The following ATXN1 variants were observed in gnomAD, a reference collection of about 807,000 sequenced individuals.
ATXN1 encodes the protein ataxin-1.
In ATXN1, 8 loss-of-function variants were observed where a neutral mutation model predicts 56.4. That is an observed-to-expected ratio of 0.14 (90% CI 0.08 to 0.26). The LOEUF (loss-of-function observed/expected upper bound fraction) is 0.26, where lower values mean the gene tolerates loss of function less well. Among genes scored for constraint, ATXN1 ranks in the 10% least tolerant of loss-of-function variants. The pLI, the probability that ATXN1 is intolerant of heterozygous loss-of-function variation, is 1.00. For missense variants in ATXN1, 987 were observed against 1,106.5 expected (o/e 0.89, Z 1.53); for synonymous variants, 514 against 494.6 (o/e 1.04, Z -0.52).
intron 2 of ATXN1, chr6:16,667,383 G>A (rs1000569220): frequency 2.0e-5 from 3 of 152,132 alleles, no homozygotes; most frequent in Non-Finnish European, 4.4e-5. Context: ...TTGATGAATT[G>A]GCTCAGAGCC....
In ATXN1 at chr6:16,327,622, G is replaced by T; in HGVS notation, c.689C>A (p.Ala230Asp). The T allele has an allele frequency of 6.3e-7, 1 of 1,586,074 alleles. No individual in the cohort carries two copies. Among genetic ancestry groups the T allele is most frequent in the East Asian group, 2.3e-5 (1 of 43,594 alleles). The change falls in exon 7 of 8, where the codon GCT becomes GAT. Residue 230 changes from alanine to aspartate, a missense_variant. By Grantham distance (126) the Ala-to-Asp change is moderately radical (BLOSUM62 -2). Around this residue, in one of 3 missense-constraint regions of ATXN1, gnomAD observed 723 missense variants for 791.7 expected, o/e 0.91. Transcript: ENST00000436367. Reference protein sequence around the residue: ...QQQQQQHLSRAPGLITPGSPP... With the variant: ...QQQQQQHLSRDPGLITPGSPP... ...GGACCCCGGGGTGATGAGCCCCGGA[G>T]CCCTGCTGAGGTGCTGCTGCTGCTG...
chr6:16,358,096 G>A (rs1183567622), intron 6 of ATXN1, among the ~76,000 whole-genome samples: 2 of 152,102 alleles, frequency 1.3e-5, no homozygotes, highest in African/African-American at 4.8e-5. Context: ...CATAATTTTG[G>A]TTAGAGAGAG....
At chr6:16,645,381 A>G (rs1194772527) in intron 3 of ATXN1, among the ~76,000 whole-genome samples, 1 of 152,246 alleles carries the variant, frequency 6.6e-6, no homozygotes. Flanking sequence ...ATTGAAAATA[A>G]TCTATTTCCA....
chr6:16,661,554 T>G (rs1009305644), intron 2 of ATXN1, among the ~76,000 whole-genome samples: 2 of 152,242 alleles, frequency 1.3e-5, no homozygotes, highest in Non-Finnish European at 2.9e-5. Context: ...ATCCCACCTC[T>G]TGGAATTCAT....
chr6:16,456,902 C>T (rs1211162957), intron 6 of ATXN1, among the ~76,000 whole-genome samples: 3 of 152,152 alleles, frequency 2.0e-5, no homozygotes, highest in African/African-American at 7.2e-5. Flanking sequence ...AGGATCCCTC[C>T]TCAGACTAGC....
chr6:16,451,116 C>T (rs1176981846), intron 6 of ATXN1, among the ~76,000 whole-genome samples: 2 of 152,198 alleles, frequency 1.3e-5, no homozygotes, highest in Non-Finnish European at 1.5e-5. Flanking sequence ...GACATCTTCT[C>T]TTCCCATTTA....
chr6:16,441,450 A>C (rs1352103601), intron 6 of ATXN1, among the ~76,000 whole-genome samples: 1 of 152,216 alleles, frequency 6.6e-6, no homozygotes, highest in Non-Finnish European at 1.5e-5. Context: ...AAAATGAGTA[A>C]CAAAATAGGA....
At chr6:16,426,365 C>T (rs1055765618) in intron 6 of ATXN1, among the ~76,000 whole-genome samples, 6 of 151,972 alleles carry the variant, frequency 3.9e-5, no homozygotes, top group African/African-American at 1.5e-4. Flanking sequence ...AATTATGGAC[C>T]TTATGGAGGA....
chr6:16,455,479 T>C (rs555937825), intron 6 of ATXN1, among the ~76,000 whole-genome samples: 59 of 152,234 alleles, frequency 3.9e-4, no homozygotes, highest in African/African-American at 1.4e-3. Flanking sequence ...GGAATGCAAA[T>C]AGTAAGCTAC....
intron 2 of ATXN1, among the ~76,000 whole-genome samples, chr6:16,694,252 CTTTT>C (rs537104749): frequency 1.6e-5 from 2 of 122,744 alleles, no homozygotes; most frequent in Non-Finnish European, 3.3e-5. Context: ...TTTTTTTTTT[CTTTT>C]TTTTTTTTTT....
intron 5 of ATXN1, among the ~76,000 whole-genome samples, chr6:16,503,025 T>G (rs1760912105): frequency 6.6e-6 from 1 of 152,230 alleles, no homozygotes. Context: ...CCAACTATAA[T>G]AATTTTTTAT....
chr6:16,341,990 C>T (rs764992392), intron 6 of ATXN1, among the ~76,000 whole-genome samples: 2 of 151,520 alleles, frequency 1.3e-5, no homozygotes, highest in African/African-American at 4.9e-5. Flanking sequence ...ATTCTCCTGC[C>T]TCAGCCTCCC....
intron 6 of ATXN1, among the ~76,000 whole-genome samples, chr6:16,457,913 C>T (rs1759911968): frequency 1.3e-5 from 2 of 152,236 alleles, no homozygotes; most frequent in South Asian, 4.1e-4. Flanking sequence ...GAATTTGGCC[C>T]AACATGGGAC....
At chr6:16,722,333 G>A (rs1759761842) in intron 2 of ATXN1, among the ~76,000 whole-genome samples, 1 of 152,154 alleles carries the variant, frequency 6.6e-6, no homozygotes, top group Non-Finnish European at 1.5e-5. Flanking sequence ...ACAAGAAAAT[G>A]AAATCTTGAG....
At position 16,454,125 on chromosome 6, in the gene ATXN1, C is replaced by CAAAAAAAAAAAAA. The variant is rs56277549; in HGVS notation, c.-161+31834_-161+31846dup. On this transcript the variant is annotated intron_variant, in intron 6 of 7. Coordinates refer to ENST00000436367, the MANE Select transcript of ATXN1 (RefSeq NM_001128164.2). ...GGGCAATAAGAGCGAGACTCTGTCT[C>CAAAAAAAAAAAAA]AAAAAAAAAAAAAAAAAAAAAAAAA... Among the ~76,000 whole-genome samples the CAAAAAAAAAAAAA allele has an allele frequency of 3.3e-4, 25 of 76,650 alleles. 1 individual carries two copies. The highest frequency in any genetic ancestry group is 4.7e-4 in the South Asian group (1 of 2,124). The allele number at this position is 76,650 out of a possible 152,430, so 50.3% of individuals were successfully genotyped here.
At chr6:16,515,935 T>C (rs1248278283) in intron 5 of ATXN1, among the ~76,000 whole-genome samples, 1 of 152,122 alleles carries the variant, frequency 6.6e-6, no homozygotes, top group Non-Finnish European at 1.5e-5. Context: ...ATGATCTCCA[T>C]CTCATTCAGG....
rs541999748 is a variant in ATXN1, at chr6:16,741,141, G to A, written c.-615+12092C>T. ...GGAATCTAGTAAATCAGTCAACCTC[G>A]TAGGTTCTGTTTTCTCCCCTAGAAA... On this transcript the variant is annotated intron_variant, in intron 2 of 7. Transcript: ENST00000436367. Among the ~76,000 whole-genome samples the A allele has an allele frequency of 7.9e-5, 12 of 152,210 alleles. No individual in the cohort carries two copies. In the East Asian group the frequency reaches 9.6e-4, roughly 12 times the overall value.
At chr6:16,576,250 T>A (rs1762420673) in intron 4 of ATXN1, among the ~76,000 whole-genome samples, 1 of 152,208 alleles carries the variant, frequency 6.6e-6, no homozygotes. Flanking sequence ...TTAATTCAAT[T>A]TTCTTGTACT....
chr6:16,386,693 T>C (rs765898393), intron 6 of ATXN1, among the ~76,000 whole-genome samples: 24 of 151,926 alleles, frequency 1.6e-4, no homozygotes, highest in Admixed American at 1.4e-3. Flanking sequence ...AGTATAATGG[T>C]AACAAAAATA....
Sources: gnomAD v4.1 joint callset for allele counts (sites outside exome capture counted in the v4.1 genomes callset) on GRCh38, gnomAD v4.1.1 for gene constraint, gnomAD v4.1.1 regional missense constraint, MANE v1.5 for transcripts, NCBI Gene and HGNC (gene_info 2026-07-23, HGNC 2026-07-21) for gene names.